The following TMEM130 variants were observed in gnomAD, a reference collection of about 807,000 sequenced individuals.
The protein encoded by TMEM130 is transmembrane protein 130.
Under a neutral mutation model 42.9 loss-of-function variants are expected in TMEM130, and 37 were observed. That is an observed-to-expected ratio of 0.86 (90% CI 0.66 to 1.13). The LOEUF (loss-of-function observed/expected upper bound fraction) is 1.13, where lower values mean the gene tolerates loss of function less well. TMEM130 is among the 50% of genes most tolerant of loss of function. TMEM130 has a pLI of 0.00. For missense variants in TMEM130, 545 were observed against 562.6 expected, an observed-to-expected ratio of 0.97 and a Z score of 0.32; for synonymous variants, 259 against 237.7, an observed-to-expected ratio of 1.09 and a Z score of -0.82.
Position 98,860,270 on chromosome 7 carries a change from T to C in TMEM130, c.460A>G (p.Lys154Glu), listed in dbSNP as rs782229045. ...SLPWPSSYLT[K>E]TVLKVSFLLH... ...AGGAAGGAGACTTTCAGGACGGTCT[T>C]AGTGAGATAGGAGCTGGGCCAGGGT... Residue 154 changes from lysine (K) to glutamate (E), a missense_variant, in exon 3 of 8, where the codon AAG (lysine) becomes GAG (glutamate). Transcript: ENST00000339375. The C allele has an allele frequency of 6.8e-6, 11 of 1,613,086 alleles. No homozygotes were observed. The highest frequency in any genetic ancestry group is 9.3e-6 in the Non-Finnish European group (11 of 1,179,642).
At position 98,847,001 on chromosome 7, in the gene TMEM130, AC is replaced by A. The variant is rs1441962135; in HGVS notation, c.*1054del. On this transcript the variant is annotated 3_prime_UTR_variant, in exon 8 of 8. Transcript: ENST00000339375. ...CTCCCGAGTAGCTGGGACTACAGGC[AC>A]CCACCACCACGCCCGGCTAACTTTT... 2.0e-5 allele frequency: 3 copies of A among 151,762 alleles called. No homozygotes were observed. The highest frequency in any genetic ancestry group is 7.3e-5 in the African/African-American group (3 of 41,280). 9.4% of individuals were successfully genotyped at this position (151,762 alleles called of 1,614,324 possible). A position where few individuals can be genotyped will look rare whatever the true frequency, so the allele number is the denominator to read the frequency against.
At chr7:98,850,298 A>ATTT (rs1794471370) in intron 6 of TMEM130, among the ~76,000 whole-genome samples, 1 of 46,960 alleles carries the variant, frequency 2.1e-5, no homozygotes, top group African/African-American at 6.5e-5. Flanking sequence ...TAATTTTTTG[A>ATTT]GACAAGAGCC....
chr7:98,855,938 C>T, intron 4 of TMEM130, 79 bp downstream of exon 4: 1 of 1,512,334 alleles, frequency 6.6e-7, no homozygotes, highest in Non-Finnish European at 8.9e-7. Context: ...GTGAGTCCAG[C>T]CCAGAGCCAC....
Position 98,847,872 on chromosome 7 carries a change from TG to T in TMEM130, c.*183del. The T allele has an allele frequency of 1.7e-6, 1 of 594,208 alleles. No homozygotes were observed. Among genetic ancestry groups the T allele is most frequent in the Non-Finnish European group, 3.0e-6 (1 of 337,070 alleles). The allele number at this position is 594,208 out of a possible 1,614,324, so 36.8% of individuals were successfully genotyped here. On this transcript the variant is annotated 3_prime_UTR_variant, in exon 8 of 8. Coordinates refer to ENST00000339375, the MANE Select transcript of TMEM130 (RefSeq NM_152913.3). ...TGGACTGTACAGATGGGTGAATGGC[TG>T]GGGTCAGGGGTGACAGAGAGGGAGG...
chr7:98,850,273 A>ATATATATATATATTTTTTT, intron 6 of TMEM130, among the ~76,000 whole-genome samples: 9 of 35,446 alleles, frequency 2.5e-4, no homozygotes, highest in Non-Finnish European at 4.4e-4. Context: ...ATATATATAT[A>ATATATATATATATTTTTTT]TTTTTTTTTT....
intron 1 of TMEM130, chr7:98,867,076 A>G (rs971958237): frequency 6.6e-6 from 1 of 152,156 alleles, no homozygotes; most frequent in Non-Finnish European, 1.5e-5. Flanking sequence ...CAGCCTGGGC[A>G]ACAAAGTGAG....
chr7:98,860,451 T>A, intron 2 of TMEM130, 113 bp from the exon 3 acceptor site: 1 of 1,145,450 alleles, frequency 8.7e-7, no homozygotes, highest in Non-Finnish European at 1.2e-6. Context: ...CCGGACCTTC[T>A]GGCTGTCAGA....
At chr7:98,856,727 G>A (rs945208251) in intron 3 of TMEM130, among the ~76,000 whole-genome samples, 7 of 151,866 alleles carry the variant, frequency 4.6e-5, no homozygotes, top group South Asian at 2.1e-4. Context: ...GAACTCCTGC[G>A]CTCAAGTGAT....
At chr7:98,848,282 C>A (rs181689825) in intron 7 of TMEM130, 74 bp from the exon 8 acceptor site, 9 of 1,581,064 alleles carry the variant, frequency 5.7e-6, no homozygotes. Context: ...ATCACCCACC[C>A]ACCAGGAGCC....
At chr7:98,865,434 C>A (rs1794885522) in intron 1 of TMEM130, among the ~76,000 whole-genome samples, 1 of 152,080 alleles carries the variant, frequency 6.6e-6, no homozygotes, top group African/African-American at 2.4e-5. Flanking sequence ...ATGGAGAAAC[C>A]CCCGTTTCTA....
rs782434251 is a variant in TMEM130, at chr7:98,856,167, C to T, written c.568G>A (p.Glu190Lys). The change falls in exon 4 of 8, where the codon GAA becomes AAA. Residue 190 changes from glutamate (E) to lysine (K), a missense_variant. By Grantham distance (56) the Glu-to-Lys change is moderately conservative. Transcript: ENST00000339375. ...DFGDGTQMVTEDSVVYYNYSI... is the reference protein window; with the variant it reads ...DFGDGTQMVTKDSVVYYNYSI... Reference sequence around the variant, plus strand: ...TAGTTATAATAGACCACGGAGTCTTCAGTCACCATCTGGGTCCTGTTAGGA... The same window carrying T: ...TAGTTATAATAGACCACGGAGTCTTTAGTCACCATCTGGGTCCTGTTAGGA... The T allele has an allele frequency of 6.2e-7, 1 of 1,613,844 alleles. No individual in the cohort carries two copies. The highest frequency in any genetic ancestry group is 1.7e-5 in the Admixed American group (1 of 60,016).
intron 2 of TMEM130, among the ~76,000 whole-genome samples, chr7:98,860,930 A>G (rs556198809): frequency 0.022 from 2,877 of 133,216 alleles, 111 homozygotes; most frequent in African/African-American, 0.075. Context: ...GCGACAGAGC[A>G]AGACTCTGTC....
chr7:98,848,313 C>T (rs1301523744), intron 7 of TMEM130, 105 bp from the exon 8 acceptor site: 3 of 1,387,178 alleles, frequency 2.2e-6, no homozygotes, highest in East Asian at 2.3e-5. Context: ...GCCTTATGAG[C>T]TCAGCTGCCT....
intron 3 of TMEM130, among the ~76,000 whole-genome samples, chr7:98,859,488 G>A (rs1433492441): frequency 1.3e-5 from 2 of 152,100 alleles, no homozygotes; most frequent in Admixed American, 6.6e-5. Context: ...CAGGGCTAGT[G>A]GCTGATTCAC....
At position 98,869,645 on chromosome 7, in the gene TMEM130, G is replaced by A; in HGVS notation, c.85+132C>T. The stretch of plus-strand genomic sequence containing the variant: ...AGGGCGCTGCAGTGGCCTCAGCCGA[G>A]GAGGGAGATGCGCGCAGGGCGCACG... On this transcript the variant is annotated intron_variant, in intron 1 of 7. Coordinates refer to ENST00000339375, the MANE Select transcript of TMEM130 (RefSeq NM_152913.3). The surrounding 1 kb of genome is among the most constrained non-coding windows in gnomAD (Gnocchi z 4.7). 2 of 706,622 alleles carry A rather than the reference G, an allele frequency of 2.8e-6. No individual in the cohort carries two copies. Among genetic ancestry groups the A allele is most frequent in the South Asian group, 3.2e-5 (1 of 31,154 alleles). The allele number at this position is 706,622 out of a possible 1,614,324, so 43.8% of individuals were successfully genotyped here. A position where few individuals can be genotyped will look rare whatever the true frequency, so the allele number is the denominator to read the frequency against.
At chr7:98,854,745 G>A (rs782696587) in intron 5 of TMEM130, among the ~76,000 whole-genome samples, 2 of 151,720 alleles carry the variant, frequency 1.3e-5, no homozygotes, top group Non-Finnish European at 2.9e-5. Context: ...TCTAAAAAAT[G>A]CAAATAAAGG....
At chr7:98,860,113 G>A in intron 3 of TMEM130, 66 bp downstream of exon 3, 1 of 1,483,286 alleles carries the variant, frequency 6.7e-7, no homozygotes, top group Non-Finnish European at 9.1e-7. Context: ...GGAGTACCCT[G>A]CACAGTGCGC....
At chr7:98,848,781 A>G (rs1489487904) in intron 6 of TMEM130, 86 bp from the exon 7 acceptor site, 1 of 954,286 alleles carries the variant, frequency 1.0e-6, no homozygotes, top group Non-Finnish European at 1.7e-6. Flanking sequence ...CAAAGGAGGG[A>G]ATGGTCAAGC....
chr7:98,863,174 C>T lies in TMEM130; in HGVS notation c.312G>A (p.Pro104=), dbSNP rs782620007. ...CAGCGGCAGTGACCCAGACAGAGACCGGGAATTCCCCGGGCACGTGGCCGA... is the reference window on the plus strand; with the variant it reads ...CAGCGGCAGTGACCCAGACAGAGACTGGGAATTCCCCGGGCACGTGGCCGA... ...RVVGHVPGEF[P]VSVWVTAADC... The change falls in exon 2 of 8, where the codon CCG becomes CCA. Residue 104 remains proline (P), a synonymous_variant. Transcript: ENST00000339375. 3.3e-5 allele frequency: 54 copies of T among 1,613,976 alleles called. 1 individual carries two copies. In the Admixed American group the frequency reaches 6.3e-4, roughly 19 times the overall value.
Sources: allele counts gnomAD v4.1 joint callset (sites outside exome capture counted in the v4.1 genomes callset), GRCh38; gene constraint gnomAD v4.1.1; non-coding constraint Gnocchi (gnomAD v3.1); transcripts MANE v1.5; gene names NCBI Gene and HGNC (gene_info 2026-07-23, HGNC 2026-07-21).